Variants in MAN1A2 observed in about 807,000 individuals in gnomAD.
The protein encoded by MAN1A2 is mannosyl-oligosaccharide 1,2-alpha-mannosidase IB.
In MAN1A2, 26 loss-of-function variants were observed where a neutral mutation model predicts 75.7. The ratio of observed to expected loss-of-function variants is 0.34; its 90% CI spans 0.25 to 0.48. The LOEUF (loss-of-function observed/expected upper bound fraction) is 0.48. Ranked by LOEUF, MAN1A2 falls within the 20% of genes least tolerant of loss-of-function variation. The pLI is 0.99. For synonymous variants in MAN1A2, 247 were observed against 264.6 expected, an observed-to-expected ratio of 0.93 and a Z score of 0.65; for missense variants, 562 against 775.5, an observed-to-expected ratio of 0.72 and a Z score of 3.27.
chr1:117,383,886 G>A (rs964495722), intron 1 of MAN1A2, among the ~76,000 whole-genome samples: 2 of 152,074 alleles, frequency 1.3e-5, no homozygotes, highest in Admixed American at 6.6e-5. Flanking sequence ...CTCTTCAGTA[G>A]CTGGGACTAC....
rs560585766 is a variant in MAN1A2 at position 117,407,317 on chromosome 1, C to G, written c.655+1672C>G. ...AGTTTAATACTTTGTTTCCTACTTA[C>G]TCTGTTTCTTTTGTGTATCTCAAAT... is the stretch of plus-strand genomic sequence containing the variant. On this transcript the variant is annotated intron_variant, in intron 3 of 12. Coordinates refer to ENST00000356554, the MANE Select transcript of MAN1A2 (RefSeq NM_006699.5). Among the ~76,000 whole-genome samples the G allele has an allele frequency of 3.8e-3, 572 of 152,080 alleles. 3 individuals carry two copies. Among genetic ancestry groups the G allele is most frequent in the African/African-American group, 0.013 (547 of 41,502 alleles).
At chr1:117,382,243 A>G (rs1424724239) in intron 1 of MAN1A2, among the ~76,000 whole-genome samples, 1 of 152,192 alleles carries the variant, frequency 6.6e-6, no homozygotes, top group Admixed American at 6.5e-5. Flanking sequence ...TGTTTTAGAC[A>G]TGAAGTCCTT....
At chr1:117,488,590 T>TTCAC (rs1650786480) in intron 8 of MAN1A2, among the ~76,000 whole-genome samples, 2 of 152,196 alleles carry the variant, frequency 1.3e-5, no homozygotes, top group East Asian at 3.9e-4. Flanking sequence ...AGGTATTGAC[T>TTCAC]GTGAAGGCCA....
chr1:117,450,354 A>G (rs1010349247), intron 6 of MAN1A2, among the ~76,000 whole-genome samples: 3 of 152,220 alleles, frequency 2.0e-5, no homozygotes, highest in Non-Finnish European at 2.9e-5. Context: ...AGCATTCAAG[A>G]GGTGACTTGG....
At chr1:117,447,866 A>G (rs1649288605) in intron 6 of MAN1A2, among the ~76,000 whole-genome samples, 1 of 152,150 alleles carries the variant, frequency 6.6e-6, no homozygotes, top group Admixed American at 6.6e-5. Context: ...TGATGCCTCC[A>G]GCTTTGTTCT....
At chr1:117,404,967 A>T (rs1647566746) in intron 2 of MAN1A2, among the ~76,000 whole-genome samples, 1 of 152,130 alleles carries the variant, frequency 6.6e-6, no homozygotes, top group Non-Finnish European at 1.5e-5. Flanking sequence ...GAATGGTGTG[A>T]ACCCGGGAGG....
rs1440245084 is a variant in MAN1A2 at position 117,524,326 on chromosome 1, CA to C, written c.*1370del. ...TTGACAAAAAGAACTTAAATTTTATCAGGAACTGTAAGATAAATATCTAGTG... is the reference window on the plus strand; with the variant it reads ...TTGACAAAAAGAACTTAAATTTTATCGGAACTGTAAGATAAATATCTAGTG... On this transcript the variant is annotated 3_prime_UTR_variant, in exon 13 of 13. Transcript: ENST00000356554. The C allele has an allele frequency of 1.3e-5, 2 of 152,056 alleles. No homozygotes were observed. Among genetic ancestry groups the C allele is most frequent in the African/African-American group, 2.4e-5 (1 of 41,386 alleles). 9.4% of individuals were successfully genotyped at this position (152,056 alleles called of 1,614,324 possible). A position where few individuals can be genotyped will look rare whatever the true frequency, so the allele number is the denominator to read the frequency against.
rs59022844 is a variant in MAN1A2 at position 117,526,880 on chromosome 1, CTATATATATATATATA to C, written c.*3937_*3952del. Reference sequence around the variant, plus strand: ...TCTCTCTCTCTCTCTCTCTCTCTCTCTATATATATATATATATATATATATATATGAGAGATATATG... The same window carrying C: ...TCTCTCTCTCTCTCTCTCTCTCTCTCTATATATATATATGAGAGATATATG... On this transcript the variant is annotated 3_prime_UTR_variant, in exon 13 of 13. Transcript: ENST00000356554. 1.8e-5 allele frequency: 1 copy of C among 54,522 alleles called. No homozygotes were observed. The highest frequency in any genetic ancestry group is 3.4e-5 in the Non-Finnish European group (1 of 29,168). 3.4% of individuals were successfully genotyped at this position (54,522 alleles called of 1,614,324 possible).
In MAN1A2 at chr1:117,414,795, G is replaced by A. The variant is rs146248170; in HGVS notation, c.738G>A (p.Gly246=). The A allele has an allele frequency of 3.1e-6, 5 of 1,608,816 alleles. No homozygotes were observed. Among genetic ancestry groups the A allele is most frequent in the Non-Finnish European group, 4.3e-6 (5 of 1,176,024 alleles). Residue 246 remains glycine, a synonymous_variant, in exon 4 of 13, where the codon GGG becomes GGA. Coordinates refer to ENST00000356554, the MANE Select transcript of MAN1A2 (RefSeq NM_006699.5). ...IMGLHDEFLD[G]QRWIEDNLDF... The stretch of plus-strand genomic sequence containing the variant: ...GACTTCATGATGAATTCCTAGATGG[G>A]CAAAGATGGATTGAAGACAACCTTG...
At position 117,442,295 on chromosome 1, in the gene MAN1A2, G is replaced by A; in HGVS notation, c.920G>A (p.Gly307Glu). 1 of 1,611,234 alleles carries A rather than the reference G, an allele frequency of 6.2e-7. No individual in the cohort carries two copies. The highest frequency in any genetic ancestry group is 8.5e-7 in the Non-Finnish European group (1 of 1,177,620). The change falls in exon 6 of 13, where the codon GGG becomes GAG. Residue 307 changes from glycine (G) to glutamate (E), a missense_variant. Transcript: ENST00000356554. ...CTTCCTGCCTTTAACACACCTACTG[G>A]GATTCCTTGGGCAATGGTGAATTTG... ...KLLPAFNTPTGIPWAMVNLKS... is the reference protein window; with the variant it reads ...KLLPAFNTPTEIPWAMVNLKS...
chr1:117,471,445 C>T (rs2101848096), intron 8 of MAN1A2, among the ~76,000 whole-genome samples: 1 of 151,942 alleles, frequency 6.6e-6, no homozygotes, highest in East Asian at 1.9e-4. Context: ...TCATATGAAT[C>T]ATTGCTATTT....
intron 1 of MAN1A2, among the ~76,000 whole-genome samples, chr1:117,382,501 G>A (rs915443065): frequency 7.2e-5 from 11 of 152,098 alleles, no homozygotes; most frequent in African/African-American, 2.7e-4. Flanking sequence ...TAGATATGCG[G>A]CATTATTTCT....
intron 12 of MAN1A2, among the ~76,000 whole-genome samples, chr1:117,512,783 A>ACACG (rs1651579833): frequency 6.6e-6 from 1 of 151,526 alleles, no homozygotes; most frequent in Admixed American, 6.6e-5. Flanking sequence ...ACACACACAC[A>ACACG]CGTAGGAACA....
chr1:117,442,812 C>T (rs745518856), intron 6 of MAN1A2, among the ~76,000 whole-genome samples: 2 of 151,578 alleles, frequency 1.3e-5, no homozygotes, highest in Admixed American at 6.6e-5. Context: ...ATGTTGACTG[C>T]GGGGTTTTTA....
chr1:117,502,250 T>C (rs1169213379), intron 11 of MAN1A2, among the ~76,000 whole-genome samples: 2 of 151,750 alleles, frequency 1.3e-5, no homozygotes, highest in Non-Finnish European at 2.9e-5. Context: ...ACATAGTAAA[T>C]ACCTTATAAT....
At chr1:117,448,126 G>C (rs1487214783) in intron 6 of MAN1A2, among the ~76,000 whole-genome samples, 1 of 152,026 alleles carries the variant, frequency 6.6e-6, no homozygotes, top group Non-Finnish European at 1.5e-5. Context: ...TCCTTGAAGA[G>C]GCCCTTCACT....
At chr1:117,469,201 C>G (rs147811603) in intron 8 of MAN1A2, among the ~76,000 whole-genome samples, 1 of 152,014 alleles carries the variant, frequency 6.6e-6, no homozygotes, top group Non-Finnish European at 1.5e-5. Flanking sequence ...AAACCAAATC[C>G]AAAAAACAGA....
intron 1 of MAN1A2, among the ~76,000 whole-genome samples, chr1:117,383,787 C>T (rs569403250): frequency 1.3e-4 from 20 of 151,816 alleles, no homozygotes; most frequent in African/African-American, 4.8e-4. Context: ...CTGTGTTGCC[C>T]AGGCTGGAGT....
intron 8 of MAN1A2, among the ~76,000 whole-genome samples, chr1:117,469,776 C>A (rs957229117): frequency 6.6e-6 from 1 of 152,048 alleles, no homozygotes; most frequent in Admixed American, 6.6e-5. Context: ...CACTGAGATA[C>A]CACTTCACAG....
Sources: allele counts gnomAD v4.1 joint callset (sites outside exome capture counted in the v4.1 genomes callset), GRCh38; gene constraint gnomAD v4.1.1; transcripts MANE v1.5; gene names NCBI Gene and HGNC (gene_info 2026-07-23, HGNC 2026-07-21).